Variants in NREP observed in about 807,000 individuals in gnomAD.
NREP encodes the protein neuronal regeneration related protein.
NREP carries 5 observed loss-of-function variants against 8.6 expected under a neutral mutation model. The ratio of observed to expected loss-of-function variants is 0.58; its 90% CI spans 0.30 to 1.22. The LOEUF (loss-of-function observed/expected upper bound fraction) is 1.22. NREP is among the 50% of genes most tolerant of loss of function. The pLI, the probability that NREP is intolerant of heterozygous loss-of-function variation, is 0.07. For synonymous variants in NREP, 27 were observed against 28.0 expected, an observed-to-expected ratio of 0.96 and a Z score of 0.11; for missense variants, 86 against 82.5, an observed-to-expected ratio of 1.04 and a Z score of -0.17.
At chr5:111,925,174 G>A (rs533480663) in intron 2 of NREP, among the ~76,000 whole-genome samples, 27 of 152,192 alleles carry the variant, frequency 1.8e-4, no homozygotes, top group Non-Finnish European at 7.4e-5. Flanking sequence ...GCTCCTGGGC[G>A]TAACGGCAGT....
chr5:111,968,292 T>G (rs1756702396), intron 2 of NREP, among the ~76,000 whole-genome samples: 1 of 152,166 alleles, frequency 6.6e-6, no homozygotes, highest in Non-Finnish European at 1.5e-5. Context: ...AAAAGATAAG[T>G]TATGAAAATT....
At chr5:111,822,208 C>T (rs1008075638) in intron 2 of NREP, among the ~76,000 whole-genome samples, 1 of 152,062 alleles carries the variant, frequency 6.6e-6, no homozygotes, top group African/African-American at 2.4e-5. Flanking sequence ...GTTATCAAAG[C>T]AGTGAAGACT....
At chr5:111,741,873 T>C (rs1282941584) in intron 2 of NREP, among the ~76,000 whole-genome samples, 1 of 146,268 alleles carries the variant, frequency 6.8e-6, no homozygotes, top group Non-Finnish European at 1.5e-5. Context: ...TGGAGCTGGC[T>C]GTGGTAACAA....
intron 3 of NREP, among the ~76,000 whole-genome samples, chr5:111,731,597 TG>T (rs933045668): frequency 6.6e-6 from 1 of 152,038 alleles, no homozygotes; most frequent in Admixed American, 6.6e-5. Flanking sequence ...CTACCAAAGA[TG>T]GGAAGTGTCT....
chr5:111,888,115 C>T (rs1383634955), intron 2 of NREP, among the ~76,000 whole-genome samples: 1 of 152,162 alleles, frequency 6.6e-6, no homozygotes, highest in Non-Finnish European at 1.5e-5. Flanking sequence ...AGGCAAGGGG[C>T]TTTTGGGTCT....
In NREP at chr5:111,972,136, GATCAGC is replaced by G. The variant is rs200868135; in HGVS notation, c.135+3132_135+3137del. On this transcript the variant is annotated intron_variant, in intron 2 of 3. Transcript: ENST00000395634. ...AATAGCCAGCAGGCATATAAAAAAT[GATCAGC>G]ATCACTGATCATCAGGAAATAGCAA... Among the ~76,000 whole-genome samples, 889 of 152,228 alleles carry G rather than the reference GATCAGC, an allele frequency of 5.8e-3. 9 individuals carry two copies. Among genetic ancestry groups the G allele is most frequent in the African/African-American group, 0.021 (853 of 41,544 alleles).
At chr5:111,928,637 C>A (rs1031149918) in intron 2 of NREP, among the ~76,000 whole-genome samples, 5 of 152,098 alleles carry the variant, frequency 3.3e-5, no homozygotes, top group Non-Finnish European at 4.4e-5. Flanking sequence ...TACAATACTC[C>A]CTCATGAGCT....
chr5:111,869,348 A>G (rs1441855539), intron 2 of NREP, among the ~76,000 whole-genome samples: 2 of 152,206 alleles, frequency 1.3e-5, no homozygotes, highest in African/African-American at 4.8e-5. Flanking sequence ...TTTAAGTGTT[A>G]TTTCAAATAT....
At position 111,798,415 on chromosome 5, in the gene NREP, G is replaced by C. The variant is rs186957752; in HGVS notation, c.136-62908C>G. On this transcript the variant is annotated intron_variant, in intron 2 of 3. Transcript: ENST00000395634. The stretch of plus-strand genomic sequence containing the variant: ...GGTGTTTGGGGAACAGGTGGTATTT[G>C]GTTACATAAGTTCTTTAGTGGTGAT... Among the ~76,000 whole-genome samples, 326 of 152,018 alleles carry C rather than the reference G, an allele frequency of 2.1e-3. 1 individual carries two copies. The highest frequency in any genetic ancestry group is 7.3e-3 in the African/African-American group (303 of 41,464).
At chr5:111,877,748 T>C (rs190346649) in intron 2 of NREP, among the ~76,000 whole-genome samples, 3 of 152,338 alleles carry the variant, frequency 2.0e-5, no homozygotes, top group Admixed American at 1.3e-4. Context: ...ACATGGTTGA[T>C]ATAACTCTTA....
At chr5:111,870,412 A>C (rs1394039903) in intron 2 of NREP, among the ~76,000 whole-genome samples, 1 of 152,228 alleles carries the variant, frequency 6.6e-6, no homozygotes, top group Non-Finnish European at 1.5e-5. Context: ...CCTGGTTAAA[A>C]GAGCAAGATT....
intron 2 of NREP, among the ~76,000 whole-genome samples, chr5:111,880,092 T>C (rs1754013086): frequency 2.0e-5 from 3 of 152,198 alleles, no homozygotes; most frequent in Admixed American, 2.0e-4. Context: ...TCAGAGCATG[T>C]ATTCTTGAGC....
chr5:111,939,105 T>C (rs968397459), intron 2 of NREP, among the ~76,000 whole-genome samples: 1 of 152,020 alleles, frequency 6.6e-6, no homozygotes, highest in Admixed American at 6.6e-5. Flanking sequence ...CCCTTGCTCT[T>C]GGTCTTCCTT....
At chr5:111,941,455 C>T (rs1262838006) in intron 2 of NREP, among the ~76,000 whole-genome samples, 1 of 152,022 alleles carries the variant, frequency 6.6e-6, no homozygotes, top group Non-Finnish European at 1.5e-5. Flanking sequence ...TTGTAGATGG[C>T]TGTCTTCTCC....
intron 2 of NREP, among the ~76,000 whole-genome samples, chr5:111,912,064 C>G (rs1193510228): frequency 1.3e-5 from 2 of 152,070 alleles, no homozygotes; most frequent in Non-Finnish European, 2.9e-5. Context: ...TTTAGGAGAA[C>G]CAGCTTCTCT....
chr5:111,917,112 T>C (rs1054916656), intron 2 of NREP, among the ~76,000 whole-genome samples: 1 of 152,094 alleles, frequency 6.6e-6, no homozygotes, highest in African/African-American at 2.4e-5. Flanking sequence ...AGGGTGGGCT[T>C]CCCGCATGCA....
chr5:111,828,592 T>G (rs886924415), intron 2 of NREP, among the ~76,000 whole-genome samples: 6 of 152,154 alleles, frequency 3.9e-5, no homozygotes, highest in African/African-American at 1.4e-4. Context: ...AGCGCTTAAT[T>G]ACAGCAATTA....
chr5:111,750,037 TG>T (rs1174066298), intron 2 of NREP, among the ~76,000 whole-genome samples: 2 of 152,172 alleles, frequency 1.3e-5, no homozygotes, highest in African/African-American at 4.8e-5. Context: ...GTGAGAGCCC[TG>T]GGCCATCTCT....
intron 2 of NREP, among the ~76,000 whole-genome samples, chr5:111,847,695 C>T (rs1009225715): frequency 5.3e-5 from 8 of 152,056 alleles, no homozygotes; most frequent in African/African-American, 1.9e-4. Context: ...GGTCAAATTT[C>T]TAAATTTGAT....
Sources: gnomAD v4.1 joint callset for allele counts (sites outside exome capture counted in the v4.1 genomes callset) on GRCh38, gnomAD v4.1.1 for gene constraint, MANE v1.5 for transcripts, NCBI Gene and HGNC (gene_info 2026-07-23, HGNC 2026-07-21) for gene names.